The following CREB5 variants were observed in gnomAD, a reference collection of about 807,000 sequenced individuals.
The protein encoded by CREB5 is cAMP responsive element binding protein 5.
In CREB5, 19 loss-of-function variants were observed where a neutral mutation model predicts 57.1. The ratio of observed to expected loss-of-function variants is 0.33; its 90% CI spans 0.23 to 0.49. CREB5 has a LOEUF of 0.49. Among genes scored for constraint, CREB5 ranks in the 20% least tolerant of loss-of-function variants. The pLI, the probability that CREB5 is intolerant of heterozygous loss-of-function variation, is 0.99. For missense variants in CREB5, 579 were observed against 671.6 expected, an observed-to-expected ratio of 0.86 and a Z score of 1.52; for synonymous variants, 238 against 238.3, an observed-to-expected ratio of 1.00 and a Z score of 0.01.
chr7:28,662,337 T>C (rs939102525), intron 5 of CREB5, among the ~76,000 whole-genome samples: 1 of 152,202 alleles, frequency 6.6e-6, no homozygotes, highest in African/African-American at 2.4e-5. Context: ...TAAAAAGATC[T>C]AAGGATAAGT....
intron 5 of CREB5, among the ~76,000 whole-genome samples, chr7:28,673,386 C>T (rs932359627): frequency 1.3e-5 from 2 of 152,176 alleles, no homozygotes; most frequent in East Asian, 1.9e-4. Flanking sequence ...GCTCTTAGAA[C>T]CCGCTGGGCA....
chr7:28,539,671 C>T (rs1046560973), intron 4 of CREB5, among the ~76,000 whole-genome samples: 18 of 152,206 alleles, frequency 1.2e-4, no homozygotes, highest in African/African-American at 4.3e-4. Flanking sequence ...ATGGGAAGGT[C>T]TGCTCCCTAA....
In CREB5 at chr7:28,819,129, CCCT is replaced by C; in HGVS notation, c.1381_1383del (p.Pro461del). On this transcript the variant is annotated inframe_deletion, in exon 11 of 11. Coordinates refer to ENST00000357727, the MANE Select transcript of CREB5 (RefSeq NM_182898.4). ...TTTTCTCCCTAGGTCCAGAGAGTAG[CCCT>C]CCTGCTAGTCCTGTCCCAGCTTGCT... is the stretch of plus-strand genomic sequence containing the variant. 6.2e-7 allele frequency: 1 copy of C among 1,613,146 alleles called. No individual in the cohort carries two copies. Among genetic ancestry groups the C allele is most frequent in the Non-Finnish European group, 8.5e-7 (1 of 1,179,562 alleles).
chr7:28,630,586 G>A (rs565822760), intron 5 of CREB5, among the ~76,000 whole-genome samples: 2 of 152,282 alleles, frequency 1.3e-5, no homozygotes, highest in Non-Finnish European at 2.9e-5. Flanking sequence ...TCGAAAAAAT[G>A]TGGCTGCTCA....
chr7:28,799,707 G>A (rs1808255459), intron 7 of CREB5, among the ~76,000 whole-genome samples: 1 of 152,134 alleles, frequency 6.6e-6, no homozygotes, highest in Non-Finnish European at 1.5e-5. Flanking sequence ...AATACATCAA[G>A]ATAAAATTAA....
intron 4 of CREB5, among the ~76,000 whole-genome samples, chr7:28,551,950 ATTCT>A (rs1794673088): frequency 2.2e-5 from 1 of 44,942 alleles, no homozygotes; most frequent in African/African-American, 1.0e-4. Context: ...TCTCTTTTTT[ATTCT>A]TTCTCTTTTT....
intron 1 of CREB5, among the ~76,000 whole-genome samples, chr7:28,304,763 C>T (rs1316194184): frequency 2.6e-5 from 4 of 152,096 alleles, no homozygotes; most frequent in Non-Finnish European, 5.9e-5. Context: ...TGTAAAAAAT[C>T]AAATAGAATG....
intron 5 of CREB5, among the ~76,000 whole-genome samples, chr7:28,590,672 TATAATAATAATA>T (rs71555752): frequency 0.044 from 6,289 of 142,922 alleles, 490 homozygotes; most frequent in African/African-American, 0.15. Context: ...GAACTTAAAG[TATAATAATAATA>T]ATAATAATAA....
At chr7:28,598,384 G>A (rs185400038) in intron 5 of CREB5, among the ~76,000 whole-genome samples, 45 of 152,190 alleles carry the variant, frequency 3.0e-4, no homozygotes, top group African/African-American at 1.1e-3. Context: ...CATGAAAATG[G>A]ACTACTACAA....
chr7:28,355,662 C>A lies in CREB5; in HGVS notation c.-25+56221C>A, dbSNP rs540102364. ...ACTTAAATGGTATTCGCATGTACAG[C>A]ATACCCATGCCAACAGCCACTGATT... On this transcript the variant is annotated intron_variant, in intron 1 of 9. Transcript: ENST00000396299. Among the ~76,000 whole-genome samples the A allele has an allele frequency of 1.1e-4, 17 of 152,264 alleles. No homozygotes were observed. In the South Asian group the frequency reaches 3.5e-3, roughly 32 times the overall value.
At chr7:28,627,938 G>A (rs1217633844) in intron 5 of CREB5, among the ~76,000 whole-genome samples, 1 of 152,108 alleles carries the variant, frequency 6.6e-6, no homozygotes, top group Non-Finnish European at 1.5e-5. Context: ...TGAAATAGAA[G>A]CAATGATGCC....
At chr7:28,739,982 A>G (rs1049315729) in intron 7 of CREB5, among the ~76,000 whole-genome samples, 1 of 152,146 alleles carries the variant, frequency 6.6e-6, no homozygotes, top group African/African-American at 2.4e-5. Flanking sequence ...TACACGGAAT[A>G]GTCTCCCTTC....
chr7:28,787,924 A>T (rs1038635823), intron 7 of CREB5, among the ~76,000 whole-genome samples: 1 of 152,198 alleles, frequency 6.6e-6, no homozygotes, highest in African/African-American at 2.4e-5. Context: ...AATGAGCTTC[A>T]TTAAGTACAG....
intron 7 of CREB5, among the ~76,000 whole-genome samples, chr7:28,787,054 A>C (rs916449246): frequency 6.6e-6 from 1 of 152,188 alleles, no homozygotes; most frequent in African/African-American, 2.4e-5. Context: ...GGCCTGGATA[A>C]CACTCCTGAG....
intron 1 of CREB5, among the ~76,000 whole-genome samples, chr7:28,414,115 T>C (rs1787927193): frequency 6.6e-6 from 1 of 152,136 alleles, no homozygotes; most frequent in Non-Finnish European, 1.5e-5. Context: ...AAAATTGGGA[T>C]TTGAGTGGAC....
intron 5 of CREB5, among the ~76,000 whole-genome samples, chr7:28,631,115 A>G (rs776312685): frequency 6.6e-6 from 1 of 152,042 alleles, no homozygotes; most frequent in Non-Finnish European, 1.5e-5. Context: ...TTCAATACCG[A>G]CCCGCTCTGA....
At chr7:28,595,814 G>A (rs1161644370) in intron 5 of CREB5, among the ~76,000 whole-genome samples, 1 of 152,154 alleles carries the variant, frequency 6.6e-6, no homozygotes, top group Admixed American at 6.5e-5. Flanking sequence ...AAAGCAAAGT[G>A]GATAGGAACT....
chr7:28,422,753 C>T (rs931245932), intron 1 of CREB5, among the ~76,000 whole-genome samples: 8 of 152,088 alleles, frequency 5.3e-5, no homozygotes, highest in Non-Finnish European at 7.4e-5. Flanking sequence ...AATGAACTTC[C>T]GGTGAAGTGT....
intron 1 of CREB5, among the ~76,000 whole-genome samples, chr7:28,304,505 G>A (rs1785152151): frequency 6.6e-6 from 1 of 152,168 alleles, no homozygotes; most frequent in Admixed American, 6.5e-5. Flanking sequence ...TTAGCCTGCT[G>A]GTGGGAGTAT....
Sources: gnomAD v4.1 joint callset for allele counts (sites outside exome capture counted in the v4.1 genomes callset) on GRCh38, gnomAD v4.1.1 for gene constraint, MANE v1.5 for transcripts, NCBI Gene and HGNC (gene_info 2026-07-23, HGNC 2026-07-21) for gene names.